The following ANGPT4 variants were observed in gnomAD, a reference collection of about 807,000 sequenced individuals.
The protein encoded by ANGPT4 is angiopoietin 4.
Under a neutral mutation model 53.0 loss-of-function variants are expected in ANGPT4, and 50 were observed. The ratio of observed to expected loss-of-function variants is 0.94; its 90% CI spans 0.75 to 1.20. The LOEUF is 1.20. Ranked by LOEUF, ANGPT4 falls within the 50% of genes most tolerant of loss-of-function variation. The probability of loss-of-function intolerance (pLI) is 0.00; values close to 1 mark genes in which losing one functional copy is unlikely to be tolerated. For synonymous variants in ANGPT4, 251 were observed against 259.7 expected (o/e 0.97, Z 0.32); for missense variants, 648 against 637.1 (o/e 1.02, Z -0.18).
At chr20:885,378 A>G in intron 3 of ANGPT4, 53 bp from the exon 4 acceptor site, 1 of 1,463,922 alleles carries the variant, frequency 6.8e-7, no homozygotes, top group Non-Finnish European at 9.0e-7. Context: ...CGAAGCACGC[A>G]CCCCCGCGCG....
At chr20:913,460 A>T (rs1982787831) in intron 1 of ANGPT4, among the ~76,000 whole-genome samples, 1 of 152,180 alleles carries the variant, frequency 6.6e-6, no homozygotes, top group South Asian at 2.1e-4. Context: ...CATATCAGAG[A>T]TCTTAGGCCC....
In ANGPT4 at chr20:870,815, T is replaced by A. The variant is rs1980912154; in HGVS notation, c.*2145A>T. 6.6e-6 allele frequency: 1 copy of A among 152,218 alleles called. No individual in the cohort carries two copies. The allele number at this position is 152,218 out of a possible 1,614,324, so 9.4% of individuals were successfully genotyped here. On this transcript the variant is annotated 3_prime_UTR_variant, in exon 9 of 9. Coordinates refer to ENST00000381922, the MANE Select transcript of ANGPT4 (RefSeq NM_015985.4). The stretch of plus-strand genomic sequence containing the variant: ...CTGGGGAATGCCTTCCTCACCCCAT[T>A]CTCCTCTTTGAGGACAAACATTTAT...
intron 6 of ANGPT4, among the ~76,000 whole-genome samples, chr20:879,456 T>C (rs1162609920): frequency 6.6e-6 from 1 of 152,200 alleles, no homozygotes; most frequent in Non-Finnish European, 1.5e-5. Flanking sequence ...ATTTTTATTC[T>C]GTCTCCTCCT....
chr20:875,276 CA>C (rs1313417459), intron 7 of ANGPT4, among the ~76,000 whole-genome samples: 2 of 152,164 alleles, frequency 1.3e-5, no homozygotes, highest in Non-Finnish European at 2.9e-5. Context: ...GATGATCTGG[CA>C]ACCCCAGCCC....
chr20:885,313 C>A lies in ANGPT4; in HGVS notation c.600G>T (p.Lys200Asn), dbSNP rs866552914. ...QLQGQNSALE[K>N]RLQALETKQQ... is the part of the protein sequence containing the mutation. ...GCTTGGTCTCCAGGGCCTGCAACCG[C>A]TTCTCGAGCGCGCTGCGGGGTAGGG... is the stretch of plus-strand genomic sequence containing the variant. Residue 200 changes from lysine to asparagine, a missense_variant, in exon 4 of 9, where the codon AAG (lysine) becomes AAT (asparagine). Lys to Asn is a moderately conservative substitution (Grantham distance 94, BLOSUM62 0). Transcript: ENST00000381922. 1 of 1,583,052 alleles carries A rather than the reference C, an allele frequency of 6.3e-7. No homozygotes were observed. The highest frequency in any genetic ancestry group is 8.6e-7 in the Non-Finnish European group (1 of 1,169,296).
intron 1 of ANGPT4, among the ~76,000 whole-genome samples, chr20:902,176 A>C (rs985097733): frequency 2.0e-5 from 3 of 152,240 alleles, no homozygotes; most frequent in South Asian, 2.1e-4. Context: ...TTTTTACATT[A>C]CCTATATTGA....
intron 1 of ANGPT4, among the ~76,000 whole-genome samples, chr20:907,101 C>T (rs569038371): frequency 3.3e-5 from 5 of 152,172 alleles, no homozygotes; most frequent in South Asian, 2.1e-4. Context: ...CCTTGCAGAG[C>T]GCCTGGAAGG....
rs1980981978 is a variant in ANGPT4, at chr20:872,561, C to T, written c.*399G>A. 1 of 166,820 alleles carries T rather than the reference C, an allele frequency of 6.0e-6. No individual in the cohort carries two copies. Among genetic ancestry groups the T allele is most frequent in the Non-Finnish European group, 1.3e-5 (1 of 77,070 alleles). 10.3% of individuals were successfully genotyped at this position (166,820 alleles called of 1,614,324 possible). A position where few individuals can be genotyped will look rare whatever the true frequency, so the allele number is the denominator to read the frequency against. On this transcript the variant is annotated 3_prime_UTR_variant, in exon 9 of 9. Coordinates refer to ENST00000381922, the MANE Select transcript of ANGPT4 (RefSeq NM_015985.4). Reference sequence around the variant, plus strand: ...ATGGGAGATGGCCTTCTTGCCAATCCAAGGGAGAGAACCTGGGCCATCTGG... The same window carrying T: ...ATGGGAGATGGCCTTCTTGCCAATCTAAGGGAGAGAACCTGGGCCATCTGG...
At chr20:890,485 C>A in intron 1 of ANGPT4, 117 bp from the exon 2 acceptor site, 1 of 911,498 alleles carries the variant, frequency 1.1e-6, no homozygotes, top group Non-Finnish European at 1.6e-6. Flanking sequence ...TGGCTCAGAA[C>A]ATGCCGGGCC....
At chr20:874,470 G>C (rs73078132) in intron 7 of ANGPT4, 56 bp from the exon 8 acceptor site, 148,061 of 1,599,602 alleles carry the variant, frequency 0.093, 7,893 homozygotes, top group African/African-American at 0.21. Flanking sequence ...GGTTGGGGCT[G>C]TGTCGAGCAA....
Position 881,745 on chromosome 20 carries a change from G to A in ANGPT4, c.836-459C>T, listed in dbSNP as rs142397153. ...AGAGACGAAGCTGAGATTTCAGCAG[G>A]GCCAAGTCAGCCGTGAGTGCCAGGC... is the stretch of plus-strand genomic sequence containing the variant. On this transcript the variant is annotated intron_variant, in intron 4 of 8. Transcript: ENST00000381922. Among the ~76,000 whole-genome samples, 22 of 152,324 alleles carry A rather than the reference G, an allele frequency of 1.4e-4. 1 individual carries two copies. In the East Asian group the frequency reaches 4.1e-3, roughly 28 times the overall value.
chr20:885,377 CA>C, intron 3 of ANGPT4, 52 bp from the exon 4 acceptor site: 5 of 1,464,806 alleles, frequency 3.4e-6, no homozygotes, highest in Non-Finnish European at 4.5e-6. Context: ...GCGAAGCACG[CA>C]CCCCCGCGCG....
intron 1 of ANGPT4, among the ~76,000 whole-genome samples, chr20:915,127 CTA>C (rs1982873180): frequency 6.6e-6 from 1 of 152,144 alleles, no homozygotes; most frequent in Non-Finnish European, 1.5e-5. Context: ...CTCCTACAGT[CTA>C]TGCTGTTGAA....
chr20:915,635 C>A (rs916540184), intron 1 of ANGPT4, among the ~76,000 whole-genome samples: 1 of 152,198 alleles, frequency 6.6e-6, no homozygotes, highest in Admixed American at 6.5e-5. Flanking sequence ...GTATCCCCAG[C>A]ACCCAGGAAG....
At chr20:877,733 T>C (rs1981222803) in intron 7 of ANGPT4, among the ~76,000 whole-genome samples, 1 of 152,152 alleles carries the variant, frequency 6.6e-6, no homozygotes, top group African/African-American at 2.4e-5. Context: ...CCAGACTGAC[T>C]TGTCCAAGTT....
At chr20:874,859 C>T (rs780407014) in intron 7 of ANGPT4, among the ~76,000 whole-genome samples, 27 of 152,056 alleles carry the variant, frequency 1.8e-4, no homozygotes, top group African/African-American at 2.7e-4. Flanking sequence ...ACAATAGGCA[C>T]GGGCCACCAT....
chr20:880,053 A>G (rs1981340403), intron 5 of ANGPT4, among the ~76,000 whole-genome samples: 1 of 152,238 alleles, frequency 6.6e-6, no homozygotes, highest in Non-Finnish European at 1.5e-5. Context: ...ATGACCTCTC[A>G]GAGCCTTCCT....
intron 1 of ANGPT4, among the ~76,000 whole-genome samples, chr20:894,011 G>A (rs1981949956): frequency 1.3e-5 from 2 of 151,590 alleles, no homozygotes; most frequent in African/African-American, 4.8e-5. Flanking sequence ...AGATTTAATA[G>A]CATGAAATAG....
intron 1 of ANGPT4, among the ~76,000 whole-genome samples, chr20:912,407 G>A (rs1345285472): frequency 6.6e-6 from 1 of 152,214 alleles, no homozygotes; most frequent in Admixed American, 6.5e-5. Context: ...AGGAGGTCAT[G>A]TGACTAGCCA....
Sources: gnomAD v4.1 joint callset for allele counts (sites outside exome capture counted in the v4.1 genomes callset) on GRCh38, gnomAD v4.1.1 for gene constraint, MANE v1.5 for transcripts, NCBI Gene and HGNC (gene_info 2026-07-23, HGNC 2026-07-21) for gene names.